STK3: variants seen among roughly 807,000 people sequenced by gnomAD.
The protein encoded by STK3 is serine/threonine kinase 3.
A neutral mutation model predicts 58.0 loss-of-function variants in STK3; 41 were observed. The observed-to-expected ratio is 0.71, with a 90% confidence interval of 0.55 to 0.92. STK3 has a LOEUF of 0.92. Among genes scored for constraint, STK3 ranks in the 40% least tolerant of loss-of-function variants. The pLI is 0.00. For missense variants in STK3, 479 were observed against 602.7 expected, an observed-to-expected ratio of 0.79 and a Z score of 2.15; for synonymous variants, 170 against 191.0, an observed-to-expected ratio of 0.89 and a Z score of 0.91.
At chr8:98,891,757 C>T (rs931274147) in intron 1 of STK3, among the ~76,000 whole-genome samples, 7 of 151,924 alleles carry the variant, frequency 4.6e-5, no homozygotes, top group Admixed American at 2.6e-4. Context: ...AAACAGGAGG[C>T]GGGAAGAATG....
intron 3 of STK3, chr8:98,432,959 A>G (rs1818359814): frequency 6.5e-6 from 1 of 154,628 alleles, no homozygotes; most frequent in Admixed American, 6.5e-5. Context: ...GATTAAATAG[A>G]CAAAAATTAT....
At chr8:98,596,199 T>A in intron 6 of STK3, 30 bp from the exon 7 acceptor site, 1 of 1,601,756 alleles carries the variant, frequency 6.2e-7, no homozygotes, top group Non-Finnish European at 8.5e-7. Context: ...CAAAAGACAG[T>A]AAGAATCACA....
the STK3 span, among the ~76,000 whole-genome samples, chr8:98,362,349 A>G: frequency 6.7e-3 from 1,016 of 152,188 alleles, 13 homozygotes; most frequent in African/African-American, 0.023. Flanking sequence ...AATGGCTGCA[A>G]CACTTTTTTT....
chr8:98,842,204 T>A (rs1836019687), intron 3 of STK3, among the ~76,000 whole-genome samples: 1 of 152,222 alleles, frequency 6.6e-6, no homozygotes, highest in Admixed American at 6.5e-5. Context: ...AAATTCTCCT[T>A]GAATTAATAT....
At chr8:98,723,722 G>A (rs1256188597) in intron 4 of STK3, among the ~76,000 whole-genome samples, 2 of 151,708 alleles carry the variant, frequency 1.3e-5, no homozygotes, top group African/African-American at 2.4e-5. Flanking sequence ...TTAGACATAC[G>A]CCCCCCTTTT....
intron 6 of STK3, among the ~76,000 whole-genome samples, chr8:98,617,352 A>G (rs1423340479): frequency 1.4e-5 from 2 of 141,748 alleles, no homozygotes; most frequent in African/African-American, 5.3e-5. Context: ...TGCCCACAAG[A>G]GAAAGCAGGA....
chr8:98,906,981 T>C (rs1365582769), intron 1 of STK3, among the ~76,000 whole-genome samples: 3 of 131,970 alleles, frequency 2.3e-5, no homozygotes, highest in Non-Finnish European at 4.6e-5. Context: ...TAACCCCATC[T>C]CTACCAATAA....
At chr8:98,520,234 G>A (rs1586763634) in intron 10 of STK3, among the ~76,000 whole-genome samples, 1 of 151,800 alleles carries the variant, frequency 6.6e-6, no homozygotes, top group East Asian at 1.9e-4. Flanking sequence ...TTTCCGGTAG[G>A]GTTAAAAATA....
intron 6 of STK3, among the ~76,000 whole-genome samples, chr8:98,614,705 C>A (rs377345058): frequency 1.3e-5 from 2 of 152,148 alleles, no homozygotes; most frequent in African/African-American, 4.8e-5. Flanking sequence ...GATGGATGCA[C>A]CTGGAAAATC....
intron 6 of STK3, among the ~76,000 whole-genome samples, chr8:98,627,427 T>C (rs1043237922): frequency 1.4e-5 from 2 of 144,726 alleles, no homozygotes; most frequent in African/African-American, 5.2e-5. Flanking sequence ...GACAGGAAAA[T>C]CGCTTGAACC....
chr8:98,815,057 C>T (rs1389063689), intron 1 of STK3, among the ~76,000 whole-genome samples: 3 of 152,182 alleles, frequency 2.0e-5, no homozygotes, highest in Admixed American at 6.5e-5. Context: ...TAAAATGACA[C>T]TAGGTCATCT....
At chr8:98,357,870 G>T in the STK3 span, among the ~76,000 whole-genome samples, 8 of 152,114 alleles carry the variant, frequency 5.3e-5, no homozygotes, top group African/African-American at 1.9e-4. Context: ...ACAAGCTTCA[G>T]GATATAAGGA....
intron 1 of STK3, among the ~76,000 whole-genome samples, chr8:98,891,607 CTGTGTG>C (rs759597833): frequency 7.1e-6 from 1 of 140,234 alleles, no homozygotes; most frequent in African/African-American, 2.7e-5. Flanking sequence ...TTAAATAAAA[CTGTGTG>C]TGTGTGTGTG....
chr8:98,843,769 C>A (rs1836086640), intron 3 of STK3, among the ~76,000 whole-genome samples: 1 of 152,218 alleles, frequency 6.6e-6, no homozygotes, highest in African/African-American at 2.4e-5. Flanking sequence ...GTAATCCCAG[C>A]ACTTTGGGAG....
chr8:98,618,129 T>A (rs532200648), intron 6 of STK3, among the ~76,000 whole-genome samples: 19 of 152,028 alleles, frequency 1.2e-4, no homozygotes, highest in Non-Finnish European at 2.2e-4. Context: ...TCAAGTGGGC[T>A]TCATCCCTGG....
chr8:98,361,482 C>T, the STK3 span, among the ~76,000 whole-genome samples: 1 of 152,106 alleles, frequency 6.6e-6, no homozygotes, highest in Non-Finnish European at 1.5e-5. Flanking sequence ...CTGTGGCATG[C>T]AGGTAATAAT....
intron 1 of STK3, among the ~76,000 whole-genome samples, chr8:98,384,046 T>C (rs1433945978): frequency 2.6e-5 from 4 of 152,030 alleles, no homozygotes; most frequent in Admixed American, 2.0e-4. Flanking sequence ...AGAATAGAGA[T>C]TTAGGGTAAC....
chr8:98,462,151 C>T (rs1398160838), intron 10 of STK3, among the ~76,000 whole-genome samples: 1 of 152,042 alleles, frequency 6.6e-6, no homozygotes, highest in African/African-American at 2.4e-5. Flanking sequence ...TATAGTAACC[C>T]TGTTGTGCTA....
At chr8:98,561,802 T>G (rs573331268) in intron 8 of STK3, among the ~76,000 whole-genome samples, 1 of 152,012 alleles carries the variant, frequency 6.6e-6, no homozygotes, top group Non-Finnish European at 1.5e-5. Context: ...ATACACAAAC[T>G]CTTAAAAATT....
Sources: gnomAD v4.1 joint callset for allele counts (sites outside exome capture counted in the v4.1 genomes callset) on GRCh38, gnomAD v4.1.1 for gene constraint, MANE v1.5 for transcripts, NCBI Gene and HGNC (gene_info 2026-07-23, HGNC 2026-07-21) for gene names.